ZHX3: variants seen among roughly 807,000 people sequenced by gnomAD.
ZHX3 encodes the protein zinc fingers and homeoboxes protein 3.
In ZHX3, 20 loss-of-function variants were observed where a neutral mutation model predicts 64.5. The ratio of observed to expected loss-of-function variants is 0.31; its 90% confidence interval spans 0.22 to 0.45. The LOEUF (loss-of-function observed/expected upper bound fraction) is 0.45, where lower values mean the gene tolerates loss of function less well. Ranked by LOEUF, ZHX3 falls within the 20% of genes least tolerant of loss-of-function variation. The probability of loss-of-function intolerance (pLI) is 1.00; values close to 1 mark genes in which losing one functional copy is unlikely to be tolerated. For synonymous variants in ZHX3, 423 were observed against 461.6 expected (o/e 0.92, Z 1.07); for missense variants, 1,041 against 1,195.8 (o/e 0.87, Z 1.91).
chr20:41,194,261 T>G (rs1381320535), intron 3 of ZHX3, among the ~76,000 whole-genome samples: 1 of 152,156 alleles, frequency 6.6e-6, no homozygotes. Context: ...ATTGTCATAT[T>G]CCTAGTTACT....
At chr20:41,301,009 T>A (rs1222150775) in intron 1 of ZHX3, among the ~76,000 whole-genome samples, 1 of 152,248 alleles carries the variant, frequency 6.6e-6, no homozygotes, top group South Asian at 2.1e-4. Flanking sequence ...AGGTGCCCTT[T>A]GCCTGAGACA....
chr20:41,189,805 T>G (rs1355090219), intron 3 of ZHX3, among the ~76,000 whole-genome samples: 1 of 152,210 alleles, frequency 6.6e-6, no homozygotes, highest in Admixed American at 6.5e-5. Context: ...TTTTCCAATT[T>G]GGATGCCTTT....
intron 1 of ZHX3, among the ~76,000 whole-genome samples, chr20:41,309,246 G>A (rs1212041537): frequency 6.6e-6 from 1 of 152,158 alleles, no homozygotes; most frequent in Non-Finnish European, 1.5e-5. Context: ...ACTCTTAAGT[G>A]TCATGGGCTA....
At chr20:41,315,792 A>G (rs2045271533) in intron 1 of ZHX3, among the ~76,000 whole-genome samples, 1 of 152,194 alleles carries the variant, frequency 6.6e-6, no homozygotes, top group Non-Finnish European at 1.5e-5. Context: ...ACACGTATAC[A>G]TGGGAACAAG....
chr20:41,263,982 A>G (rs754079311), intron 2 of ZHX3, among the ~76,000 whole-genome samples: 2 of 152,234 alleles, frequency 1.3e-5, no homozygotes, highest in Non-Finnish European at 2.9e-5. Context: ...CACAAAAAGA[A>G]GCAATAAAAT....
intron 1 of ZHX3, among the ~76,000 whole-genome samples, chr20:41,277,005 A>G (rs773665746): frequency 1.1e-4 from 16 of 152,364 alleles, no homozygotes; most frequent in South Asian, 2.1e-4. Context: ...ATAAAATAAA[A>G]TGTGGAGTTC....
In ZHX3 at chr20:41,185,264, C is replaced by T; in HGVS notation, c.2861-63G>A. 2 of 1,537,822 alleles carry T rather than the reference C, an allele frequency of 1.3e-6. No homozygotes were observed. The highest frequency in any genetic ancestry group is 1.4e-5 in the African/African-American group (1 of 73,700). On this transcript the variant is annotated intron_variant, in intron 3 of 3. Transcript: ENST00000683867. This position sits in a 1 kb window ranked among gnomAD's most constrained non-coding sequence, Gnocchi z 5.0. ...TGCCACCACCTGCCCCCCAGGCAGCCTGGTCCTTGCTATACCAGGGTGGCA... is the reference window on the plus strand; with the variant it reads ...TGCCACCACCTGCCCCCCAGGCAGCTTGGTCCTTGCTATACCAGGGTGGCA...
chr20:41,270,067 G>T (rs940281099), intron 1 of ZHX3, among the ~76,000 whole-genome samples: 1 of 152,126 alleles, frequency 6.6e-6, no homozygotes, highest in Non-Finnish European at 1.5e-5. Flanking sequence ...CCCAGATAAG[G>T]AAACTTGTTA....
chr20:41,273,720 C>G (rs1055141260), intron 1 of ZHX3, among the ~76,000 whole-genome samples: 1 of 152,130 alleles, frequency 6.6e-6, no homozygotes, highest in African/African-American at 2.4e-5. Flanking sequence ...TATTCTTATG[C>G]TTATACCTAT....
At chr20:41,281,189 A>G (rs933610351) in intron 1 of ZHX3, among the ~76,000 whole-genome samples, 4 of 152,206 alleles carry the variant, frequency 2.6e-5, no homozygotes, top group Non-Finnish European at 5.9e-5. Context: ...CAATTTCTAC[A>G]AAGTTTAAAA....
chr20:41,247,640 C>A (rs949883691), intron 2 of ZHX3, among the ~76,000 whole-genome samples: 5 of 152,126 alleles, frequency 3.3e-5, no homozygotes, highest in Admixed American at 6.5e-5. Flanking sequence ...CCAACTTGCA[C>A]CCTGAGTAAG....
At chr20:41,235,571 G>A (rs2040922269) in intron 2 of ZHX3, among the ~76,000 whole-genome samples, 1 of 151,784 alleles carries the variant, frequency 6.6e-6, no homozygotes, top group Non-Finnish European at 1.5e-5. Flanking sequence ...AAATTCAACA[G>A]CCCTTAATGC....
At chr20:41,294,325 G>C (rs1243665633) in intron 1 of ZHX3, among the ~76,000 whole-genome samples, 1 of 152,140 alleles carries the variant, frequency 6.6e-6, no homozygotes, top group African/African-American at 2.4e-5. Context: ...TTAAACTTAT[G>C]AGTAAATGAT....
At chr20:41,258,499 C>G (rs995740631) in intron 2 of ZHX3, among the ~76,000 whole-genome samples, 1 of 152,130 alleles carries the variant, frequency 6.6e-6, no homozygotes, top group African/African-American at 2.4e-5. Context: ...TGTGACAGTT[C>G]CTTGTTCTTT....
Position 41,178,875 on chromosome 20 carries a change from C to G in ZHX3, c.*6316G>C, listed in dbSNP as rs1413630733. On this transcript the variant is annotated 3_prime_UTR_variant, in exon 4 of 4. Transcript: ENST00000683867. Reference sequence around the variant, plus strand: ...GCTAAAGTTTCATTGTGCCTCAAAACAAACAAAAACAGGGCAGTTGCCTCT... The same window carrying G: ...GCTAAAGTTTCATTGTGCCTCAAAAGAAACAAAAACAGGGCAGTTGCCTCT... 6.6e-6 allele frequency: 1 copy of G among 152,604 alleles called. No homozygotes were observed. The highest frequency in any genetic ancestry group is 2.4e-5 in the African/African-American group (1 of 41,428). 9.5% of individuals were successfully genotyped at this position (152,604 alleles called of 1,614,324 possible).
At chr20:41,295,508 T>G (rs2044463891) in intron 1 of ZHX3, among the ~76,000 whole-genome samples, 1 of 152,162 alleles carries the variant, frequency 6.6e-6, no homozygotes, top group South Asian at 2.1e-4. Context: ...AGTATTAGAA[T>G]TCCCTTTTTA....
intron 3 of ZHX3, among the ~76,000 whole-genome samples, chr20:41,186,004 A>G (rs1012042345): frequency 2.0e-5 from 3 of 152,286 alleles, no homozygotes; most frequent in Non-Finnish European, 2.9e-5. Flanking sequence ...ATGGTAAAAT[A>G]TAAATAACAT....
chr20:41,199,001 A>G (rs2037999934), intron 3 of ZHX3, among the ~76,000 whole-genome samples: 1 of 151,714 alleles, frequency 6.6e-6, no homozygotes, highest in Non-Finnish European at 1.5e-5. Flanking sequence ...GCATGCCCAA[A>G]TCTTTGTTGA....
chr20:41,215,519 G>T (rs1426905760), intron 2 of ZHX3, among the ~76,000 whole-genome samples: 1 of 151,946 alleles, frequency 6.6e-6, no homozygotes, highest in African/African-American at 2.4e-5. Flanking sequence ...TGAATTGGAA[G>T]AACAGTAAGA....
Sources: gnomAD v4.1 joint callset for allele counts (sites outside exome capture counted in the v4.1 genomes callset) on GRCh38, gnomAD v4.1.1 for gene constraint, Gnocchi (gnomAD v3.1) non-coding constraint, MANE v1.5 for transcripts, NCBI Gene and HGNC (gene_info 2026-07-23, HGNC 2026-07-21) for gene names.